LNX1: variants seen among roughly 807,000 people sequenced by gnomAD.
LNX1 encodes E3 ubiquitin-protein ligase LNX.
LNX1 carries 54 observed loss-of-function variants against 68.4 expected under a neutral mutation model. The observed-to-expected ratio is 0.79, with a 90% confidence interval of 0.63 to 0.99. The LOEUF (loss-of-function observed/expected upper bound fraction) is 0.99, where lower values mean the gene tolerates loss of function less well. Ranked by LOEUF, LNX1 falls within the 50% of genes least tolerant of loss-of-function variation. The pLI is 0.00. For synonymous variants in LNX1, 336 were observed against 350.0 expected, an observed-to-expected ratio of 0.96 and a Z score of 0.45; for missense variants, 906 against 926.4, an observed-to-expected ratio of 0.98 and a Z score of 0.29.
rs184901973 is a variant in LNX1, at chr4:53,636,890, C to G, written c.-215+15278G>C. Among the ~76,000 whole-genome samples the G allele has an allele frequency of 1.8e-3, 278 of 151,842 alleles. 3 individuals carry two copies. The highest frequency in any genetic ancestry group is 6.7e-3 in the South Asian group (32 of 4,792). On this transcript the variant is annotated intron_variant, in intron 1 of 2. Coordinates refer to the LNX1 transcript ENST00000507168. Reference sequence around the variant, plus strand: ...GGTCATGTTCTGTAGTTTAAAACATCTGTTTGGAGTGAAGGTGTTATACAC... The same window carrying G: ...GGTCATGTTCTGTAGTTTAAAACATGTGTTTGGAGTGAAGGTGTTATACAC...
chr4:53,642,634 C>A (rs565167378), intron 1 of LNX1, among the ~76,000 whole-genome samples: 1 of 152,302 alleles, frequency 6.6e-6, no homozygotes, highest in African/African-American at 2.4e-5. Flanking sequence ...TGGGTGTACA[C>A]AGATTTTCTG....
chr4:53,634,739 G>A lies in LNX1; in HGVS notation c.-215+17429C>T, dbSNP rs570228178. Reference sequence around the variant, plus strand: ...TCTCTCTGATCACAGGGACTGCTCCGAGGGGTGGCGGTTTACTAAGTCAAT... The same window carrying A: ...TCTCTCTGATCACAGGGACTGCTCCAAGGGGTGGCGGTTTACTAAGTCAAT... On this transcript the variant is annotated intron_variant, in intron 1 of 2. Transcript: ENST00000507168. Among the ~76,000 whole-genome samples the A allele has an allele frequency of 1.2e-3, 187 of 152,164 alleles. 1 individual carries two copies. The highest frequency in any genetic ancestry group is 4.2e-3 in the African/African-American group (173 of 41,524).
At position 53,544,052 on chromosome 4, in the gene LNX1, C is replaced by A. The variant is rs1728932827; in HGVS notation, c.380+29571G>T. Among the ~76,000 whole-genome samples, 6 of 152,210 alleles carry A rather than the reference C, an allele frequency of 3.9e-5. No homozygotes were observed. In the South Asian group the frequency reaches 1.2e-3, roughly 32 times the overall value. On this transcript the variant is annotated intron_variant, in intron 2 of 10. Coordinates refer to ENST00000263925, the MANE Select transcript of LNX1 (RefSeq NM_001126328.3). ...AAACACTTTATCTTAGTCTTCTTCA[C>A]CTTCACTGTCCTATTTTTGAACCCT... is the stretch of plus-strand genomic sequence containing the variant.
chr4:53,513,154 C>T lies in LNX1; in HGVS notation c.381-4927G>A, dbSNP rs564017459. ...CCCAGGGAAATGTTCCCATCGCTTC[C>T]AGGCCTTCCCTGATCCATATTATCG... On this transcript the variant is annotated intron_variant, in intron 2 of 10. Transcript: ENST00000263925. Among the ~76,000 whole-genome samples, 15 of 152,212 alleles carry T rather than the reference C, an allele frequency of 9.9e-5. 1 individual carries two copies. The South Asian group carries it at 2.1e-3, about 21-fold the overall frequency.
intron 2 of LNX1, among the ~76,000 whole-genome samples, chr4:53,534,803 T>C (rs1390458735): frequency 1.3e-5 from 2 of 152,252 alleles, no homozygotes; most frequent in Admixed American, 6.5e-5. Context: ...GTGCTCTTTC[T>C]CATTTCTATT....
intron 2 of LNX1, among the ~76,000 whole-genome samples, chr4:53,571,385 G>A (rs182120655): frequency 6.6e-6 from 1 of 152,172 alleles, no homozygotes; most frequent in East Asian, 2.0e-4. Flanking sequence ...GTAATCACAT[G>A]AGTTCTTATA....
rs532741401 is a variant in LNX1 at position 53,605,467 on chromosome 4, G to C, written c.-215+11050C>G. 5.9e-5 allele frequency among the ~76,000 whole-genome samples: 9 copies of C among 152,140 alleles called. No individual in the cohort carries two copies. The East Asian group carries it at 1.7e-3, about 29-fold the overall frequency. The stretch of plus-strand genomic sequence containing the variant: ...GGTAAAGTACCTAAATATGTTCCCA[G>C]TAAATTTCCAGTATACAATACAATA... On this transcript the variant is annotated intron_variant, in intron 2 of 3. Transcript: ENST00000504299.
intron 2 of LNX1, among the ~76,000 whole-genome samples, chr4:53,607,517 G>T (rs1293764065): frequency 6.6e-6 from 1 of 152,162 alleles, no homozygotes; most frequent in African/African-American, 2.4e-5. Flanking sequence ...AATCAATATT[G>T]TTAAAATGGC....
chr4:53,551,398 T>G (rs1300819466), intron 2 of LNX1, among the ~76,000 whole-genome samples: 3 of 152,128 alleles, frequency 2.0e-5, no homozygotes, highest in South Asian at 4.1e-4. Flanking sequence ...AGAAAACACC[T>G]GAAACTGGTG....
At position 53,461,650 on chromosome 4, in the gene LNX1, A is replaced by G. The variant is rs1579336258; in HGVS notation, c.1893-57T>C. 2.0e-5 allele frequency: 25 copies of G among 1,277,036 alleles called. 1 individual carries two copies. The East Asian group carries it at 5.9e-4, about 30-fold the overall frequency. The allele number at this position is 1,277,036 out of a possible 1,614,324, so 79.1% of individuals were successfully genotyped here. A position where few individuals can be genotyped will look rare whatever the true frequency, so the allele number is the denominator to read the frequency against. On this transcript the variant is annotated intron_variant, in intron 9 of 10. Coordinates refer to ENST00000263925, the MANE Select transcript of LNX1 (RefSeq NM_001126328.3). ...ATTTAAGTTTCACAGTTAAGGGAAT[A>G]CTTACTGTGACTCATCCTCCATTCC...
intron 1 of LNX1, among the ~76,000 whole-genome samples, chr4:53,622,884 C>G (rs953310099): frequency 6.6e-6 from 1 of 152,158 alleles, no homozygotes; most frequent in Non-Finnish European, 1.5e-5. Flanking sequence ...ATAGCATTTT[C>G]TTTCACAATA....
intron 6 of LNX1, among the ~76,000 whole-genome samples, chr4:53,486,814 T>C (rs1724333340): frequency 6.6e-6 from 1 of 152,250 alleles, no homozygotes; most frequent in South Asian, 2.1e-4. Context: ...ATTTATATGA[T>C]GGAACTTAGC....
chr4:53,631,260 G>T (rs1365588052), intron 1 of LNX1, among the ~76,000 whole-genome samples: 1 of 152,150 alleles, frequency 6.6e-6, no homozygotes. Flanking sequence ...TCTTTGGACT[G>T]AGTAAATTAA....
intron 9 of LNX1, among the ~76,000 whole-genome samples, chr4:53,468,021 C>T (rs1230946063): frequency 6.6e-6 from 1 of 152,132 alleles, no homozygotes; most frequent in South Asian, 2.1e-4. Flanking sequence ...AGAAGAGCAA[C>T]TCCAAGACAC....
rs555559099 is a variant in LNX1, at chr4:53,494,734, TA to T, written c.1350+1288del. 8.9e-4 allele frequency among the ~76,000 whole-genome samples: 136 copies of T among 152,336 alleles called. 1 individual carries two copies. Among genetic ancestry groups the T allele is most frequent in the Admixed American group, 1.9e-3 (29 of 15,306 alleles). On this transcript the variant is annotated intron_variant, in intron 6 of 10. Coordinates refer to ENST00000263925, the MANE Select transcript of LNX1 (RefSeq NM_001126328.3). ...TTTCTGCATCTAACCCAGGGGTACA[TA>T]AGCAGCAGAACTTAACAGATATTTG...
chr4:53,644,483 T>C (rs1734807535), intron 1 of LNX1, among the ~76,000 whole-genome samples: 1 of 152,148 alleles, frequency 6.6e-6, no homozygotes, highest in African/African-American at 2.4e-5. Context: ...GCTAGACTGA[T>C]GTATTATATA....
chr4:53,552,358 T>C (rs1577702151), intron 2 of LNX1, among the ~76,000 whole-genome samples: 1 of 151,956 alleles, frequency 6.6e-6, no homozygotes, highest in African/African-American at 2.4e-5. Flanking sequence ...GGCACAAACG[T>C]GAGAATAATT....
chr4:53,584,131 T>C (rs1732006733), intron 1 of LNX1, among the ~76,000 whole-genome samples: 1 of 152,184 alleles, frequency 6.6e-6, no homozygotes, highest in Admixed American at 6.5e-5. Context: ...AAAAAGTGTT[T>C]ATGTGTGTAT....
intron 9 of LNX1, among the ~76,000 whole-genome samples, chr4:53,466,268 G>C (rs1475294728): frequency 3.3e-5 from 5 of 152,108 alleles, no homozygotes; most frequent in Admixed American, 2.6e-4. Context: ...CTATAAATAG[G>C]CTACTTCTCT....
Sources: allele counts gnomAD v4.1 joint callset (sites outside exome capture counted in the v4.1 genomes callset), GRCh38; gene constraint gnomAD v4.1.1; transcripts MANE v1.5; gene names NCBI Gene and HGNC (gene_info 2026-07-23, HGNC 2026-07-21).